Variants in NOS1AP observed in about 807,000 individuals in gnomAD.
NOS1AP encodes nitric oxide synthase 1 adaptor protein.
A neutral mutation model predicts 56.2 loss-of-function variants in NOS1AP; 21 were observed. The ratio of observed to expected loss-of-function variants is 0.37; its 90% CI spans 0.26 to 0.54. NOS1AP has a LOEUF of 0.54. Among genes scored for constraint, NOS1AP ranks in the 20% least tolerant of loss-of-function variants. NOS1AP has a pLI of 0.84. For synonymous variants in NOS1AP, 270 were observed against 274.6 expected (o/e 0.98, Z 0.17); for missense variants, 522 against 657.8 (o/e 0.79, Z 2.26).
At chr1:162,324,111 T>C (rs569652037) in intron 4 of NOS1AP, among the ~76,000 whole-genome samples, 337 of 151,602 alleles carry the variant, frequency 2.2e-3, no homozygotes, top group African/African-American at 7.9e-3. Flanking sequence ...GTTCATTTTC[T>C]CTCTTTTTTC....
Position 162,279,297 on chromosome 1 carries a change from C to T in NOS1AP, c.178-8047C>T, listed in dbSNP as rs141926296. Among the ~76,000 whole-genome samples, 122 of 152,272 alleles carry T rather than the reference C, an allele frequency of 8.0e-4. 1 individual carries two copies. Among genetic ancestry groups the T allele is most frequent in the African/African-American group, 2.6e-3 (109 of 41,556 alleles). On this transcript the variant is annotated intron_variant, in intron 2 of 9. Coordinates refer to ENST00000361897, the MANE Select transcript of NOS1AP (RefSeq NM_014697.3). ...GATGGCTGTATTCCCGGGGCTATCTCGTCTCCTCTCTACAGGGAGCAACCG... is the reference window on the plus strand; with the variant it reads ...GATGGCTGTATTCCCGGGGCTATCTTGTCTCCTCTCTACAGGGAGCAACCG...
chr1:162,184,496 C>A (rs1437279326), intron 2 of NOS1AP, among the ~76,000 whole-genome samples: 1 of 152,178 alleles, frequency 6.6e-6, no homozygotes, highest in Non-Finnish European at 1.5e-5. Context: ...CTGTAAAGCA[C>A]AACAGAGTGA....
At chr1:162,150,362 G>A (rs1246635678) in intron 1 of NOS1AP, among the ~76,000 whole-genome samples, 1 of 152,032 alleles carries the variant, frequency 6.6e-6, no homozygotes, top group Non-Finnish European at 1.5e-5. Context: ...TTATCCATTT[G>A]TCTTTTGAGG....
chr1:162,165,638 C>T (rs1650457257), intron 2 of NOS1AP, among the ~76,000 whole-genome samples: 1 of 152,124 alleles, frequency 6.6e-6, no homozygotes, highest in Non-Finnish European at 1.5e-5. Flanking sequence ...AGGCAAGACT[C>T]CAGTCTGCTT....
intron 2 of NOS1AP, among the ~76,000 whole-genome samples, chr1:162,163,765 T>C (rs1466917898): frequency 6.6e-6 from 1 of 152,132 alleles, no homozygotes; most frequent in East Asian, 1.9e-4. Context: ...GAGGGAGTGG[T>C]AGATTATTTC....
intron 8 of NOS1AP, chr1:162,362,859 A>C (rs1657949828): frequency 1.5e-6 from 1 of 656,122 alleles, no homozygotes; most frequent in South Asian, 6.8e-5. Context: ...AAGAGGAGAA[A>C]ACCTTAATAG....
chr1:162,282,887 G>T (rs1324152249), intron 2 of NOS1AP, among the ~76,000 whole-genome samples: 1 of 152,172 alleles, frequency 6.6e-6, no homozygotes, highest in African/African-American at 2.4e-5. Context: ...TGACTCATAA[G>T]CAGGTCTTGG....
chr1:162,147,105 G>A (rs796640758), intron 1 of NOS1AP, among the ~76,000 whole-genome samples: 3 of 152,172 alleles, frequency 2.0e-5, no homozygotes, highest in African/African-American at 4.8e-5. Flanking sequence ...TGAGGCAGGC[G>A]GATCACGAGG....
chr1:162,082,059 G>A lies in NOS1AP; in HGVS notation c.105+11777G>A, dbSNP rs993730947. Reference sequence around the variant, plus strand: ...CAGGTATTAAACCTAGGACTCATTCGTTCTTTTTCCTGATCCTCTCCCTCT... The same window carrying A: ...CAGGTATTAAACCTAGGACTCATTCATTCTTTTTCCTGATCCTCTCCCTCT... On this transcript the variant is annotated intron_variant, in intron 1 of 9. Coordinates refer to ENST00000361897, the MANE Select transcript of NOS1AP (RefSeq NM_014697.3). Among the ~76,000 whole-genome samples the A allele has an allele frequency of 5.3e-5, 8 of 151,998 alleles. No homozygotes were observed. The East Asian group carries it at 5.8e-4, about 11-fold the overall frequency.
chr1:162,299,466 G>A (rs1655572385), intron 3 of NOS1AP, among the ~76,000 whole-genome samples: 1 of 152,236 alleles, frequency 6.6e-6, no homozygotes, highest in African/African-American at 2.4e-5. Flanking sequence ...TTAGTATAAA[G>A]ATGTTCTGGA....
chr1:162,356,541 C>G (rs1307856798), intron 7 of NOS1AP, among the ~76,000 whole-genome samples: 4 of 152,164 alleles, frequency 2.6e-5, no homozygotes, highest in Non-Finnish European at 5.9e-5. Flanking sequence ...CCTAAGGACA[C>G]AGCAGAGTAG....
chr1:162,218,336 C>CT (rs1652649916), intron 2 of NOS1AP, among the ~76,000 whole-genome samples: 2 of 152,294 alleles, frequency 1.3e-5, no homozygotes, highest in Admixed American at 1.3e-4. Flanking sequence ...GAAAGTGGAC[C>CT]TGTACTATCA....
intron 2 of NOS1AP, among the ~76,000 whole-genome samples, chr1:162,215,452 G>A (rs903539752): frequency 6.6e-6 from 1 of 152,226 alleles, no homozygotes; most frequent in African/African-American, 2.4e-5. Flanking sequence ...AGGCTCATGA[G>A]CCCTGGGTCA....
At chr1:162,244,071 G>A (rs1232901176) in intron 2 of NOS1AP, among the ~76,000 whole-genome samples, 1 of 152,076 alleles carries the variant, frequency 6.6e-6, no homozygotes, top group Non-Finnish European at 1.5e-5. Flanking sequence ...GAGGTGTATC[G>A]GGCCTTAAAG....
chr1:162,363,690 C>G, intron 8 of NOS1AP: 1 of 675,862 alleles, frequency 1.5e-6, no homozygotes, highest in African/African-American at 2.0e-5. Flanking sequence ...ACACTCTTAC[C>G]ACTCTGGAGA....
chr1:162,256,174 T>C (rs1654022740), intron 2 of NOS1AP, among the ~76,000 whole-genome samples: 2 of 151,516 alleles, frequency 1.3e-5, no homozygotes, highest in Admixed American at 6.6e-5. Context: ...AAGAATTGGC[T>C]AAATTGGAAT....
chr1:162,169,287 A>C (rs1182316687), intron 2 of NOS1AP, among the ~76,000 whole-genome samples: 1 of 152,134 alleles, frequency 6.6e-6, no homozygotes. Context: ...TTCCAACTTG[A>C]TTAGATTTCT....
rs1475749483 is a variant in NOS1AP at position 162,367,581 on chromosome 1, G to T, written c.*114G>T. 8.4e-7 allele frequency: 1 copy of T among 1,186,856 alleles called. No homozygotes were observed. Among genetic ancestry groups the T allele is most frequent in the East Asian group, 2.6e-5 (1 of 38,686 alleles). 73.5% of individuals were successfully genotyped at this position (1,186,856 alleles called of 1,614,324 possible). A position where few individuals can be genotyped will look rare whatever the true frequency, so the allele number is the denominator to read the frequency against. On this transcript the variant is annotated 3_prime_UTR_variant, in exon 10 of 10. Coordinates refer to ENST00000361897, the MANE Select transcript of NOS1AP (RefSeq NM_014697.3). This position sits in a 1 kb window ranked among gnomAD's most constrained non-coding sequence, Gnocchi z 6.5. ...CACTGCCGAGGAGAATGCCAGCCAG[G>T]GCCCGGGAGAGTGTGAGGTTTCAGG...
intron 2 of NOS1AP, among the ~76,000 whole-genome samples, chr1:162,262,309 C>T (rs769143109): frequency 7.2e-5 from 11 of 152,132 alleles, no homozygotes; most frequent in Non-Finnish European, 1.0e-4. Flanking sequence ...AATGTATTTT[C>T]GGTGTGATTC....
Sources: gnomAD v4.1 joint callset for allele counts (sites outside exome capture counted in the v4.1 genomes callset) on GRCh38, gnomAD v4.1.1 for gene constraint, Gnocchi (gnomAD v3.1) non-coding constraint, MANE v1.5 for transcripts, NCBI Gene and HGNC (gene_info 2026-07-23, HGNC 2026-07-21) for gene names.